SORCS1: variants seen among roughly 807,000 people sequenced by gnomAD.
SORCS1 encodes VPS10 domain-containing receptor SorCS1.
A neutral mutation model predicts 146.1 loss-of-function variants in SORCS1; 60 were observed. The observed-to-expected ratio is 0.41, with a 90% CI of 0.33 to 0.51. The LOEUF is 0.51. Among genes scored for constraint, SORCS1 ranks in the 20% least tolerant of loss-of-function variants. The pLI, the probability that SORCS1 is intolerant of heterozygous loss-of-function variation, is 0.21. For missense variants in SORCS1, 1,352 were observed against 1,487.6 expected, an observed-to-expected ratio of 0.91 and a Z score of 1.50; for synonymous variants, 637 against 584.0, an observed-to-expected ratio of 1.09 and a Z score of -1.31.
At chr10:107,057,793 T>C (rs932254161) in intron 1 of SORCS1, among the ~76,000 whole-genome samples, 4 of 152,210 alleles carry the variant, frequency 2.6e-5, no homozygotes, top group African/African-American at 4.8e-5. Context: ...AGTGGAAATA[T>C]GTCCACGGAC....
intron 1 of SORCS1, among the ~76,000 whole-genome samples, chr10:107,018,619 A>AT (rs1008196094): frequency 2.0e-5 from 3 of 151,822 alleles, no homozygotes; most frequent in East Asian, 3.9e-4. Flanking sequence ...TTGTTAATCA[A>AT]TTTTTTTGTT....
chr10:106,876,659 C>A (rs889330242), intron 2 of SORCS1, among the ~76,000 whole-genome samples: 4 of 152,152 alleles, frequency 2.6e-5, no homozygotes, highest in African/African-American at 9.7e-5. Flanking sequence ...GCATCAGAGT[C>A]CATGAGCCTA....
At chr10:107,042,444 T>C (rs1025531302) in intron 1 of SORCS1, among the ~76,000 whole-genome samples, 1 of 152,184 alleles carries the variant, frequency 6.6e-6, no homozygotes, top group African/African-American at 2.4e-5. Context: ...TTCTCTCTTA[T>C]GCTAACTTGG....
intron 17 of SORCS1, among the ~76,000 whole-genome samples, chr10:106,664,409 G>A (rs151087600): frequency 0.028 from 4,273 of 152,246 alleles, 178 homozygotes; most frequent in African/African-American, 0.097. Context: ...TTGGGAGGCT[G>A]AGGCAGGTGG....
chr10:106,674,291 T>C (rs938846540), intron 14 of SORCS1, among the ~76,000 whole-genome samples: 17 of 121,400 alleles, frequency 1.4e-4, no homozygotes, highest in Middle Eastern at 5.1e-3. Context: ...ATCATGCCAC[T>C]GCACTCCAGC....
intron 18 of SORCS1, among the ~76,000 whole-genome samples, chr10:106,641,669 A>G (rs1355792811): frequency 6.6e-6 from 1 of 152,216 alleles, no homozygotes; most frequent in Non-Finnish European, 1.5e-5. Flanking sequence ...TATGTTAGGC[A>G]CATTGTACAG....
chr10:106,767,059 A>T (rs2136294363), intron 4 of SORCS1, among the ~76,000 whole-genome samples: 1 of 152,262 alleles, frequency 6.6e-6, no homozygotes, highest in African/African-American at 2.4e-5. Flanking sequence ...CTACAAAGAG[A>T]GCCTGGAACC....
intron 4 of SORCS1, among the ~76,000 whole-genome samples, chr10:106,770,641 T>C (rs773695758): frequency 5.9e-5 from 9 of 152,186 alleles, no homozygotes; most frequent in Non-Finnish European, 8.8e-5. Flanking sequence ...TCTGAGGTCA[T>C]TGTTACACAC....
At chr10:106,953,483 T>G (rs754699751) in intron 2 of SORCS1, among the ~76,000 whole-genome samples, 5 of 151,910 alleles carry the variant, frequency 3.3e-5, no homozygotes, top group African/African-American at 1.2e-4. Flanking sequence ...ATGGGTTGAA[T>G]TAACAGATCT....
intron 18 of SORCS1, among the ~76,000 whole-genome samples, chr10:106,642,690 C>A (rs896015880): frequency 6.6e-6 from 1 of 152,160 alleles, no homozygotes; most frequent in Non-Finnish European, 1.5e-5. Context: ...TCCTTGGGTG[C>A]TGCATTCATA....
intron 2 of SORCS1, among the ~76,000 whole-genome samples, chr10:106,840,288 A>G (rs188240723): frequency 1.3e-5 from 2 of 152,314 alleles, no homozygotes; most frequent in East Asian, 3.9e-4. Context: ...AGGAAGTTGG[A>G]AGAACTTAAT....
At position 106,577,213 on chromosome 10, in the gene SORCS1, TC is replaced by T. The variant is rs1319862188; in HGVS notation, c.*206del. The T allele has an allele frequency of 1.3e-6, 2 of 1,568,042 alleles. No homozygotes were observed. The highest frequency in any genetic ancestry group is 1.7e-6 in the Non-Finnish European group (2 of 1,154,334). ...TTTTGTTTTTGTTTTTTTACTGGCG[TC>T]CTCCATTCAAACATTTACATAGGTA... is the stretch of plus-strand genomic sequence containing the variant. On this transcript the variant is annotated 3_prime_UTR_variant, in exon 26 of 26. Coordinates refer to ENST00000263054, the MANE Select transcript of SORCS1 (RefSeq NM_052918.5).
chr10:106,738,017 TCTAA>T (rs141910225), intron 5 of SORCS1, among the ~76,000 whole-genome samples: 4,585 of 152,302 alleles, frequency 0.03, 106 homozygotes, highest in Non-Finnish European at 0.05. Flanking sequence ...GAGATAAATC[TCTAA>T]CTATTTTATT....
intron 1 of SORCS1, among the ~76,000 whole-genome samples, chr10:107,087,101 G>A (rs34168577): frequency 0.015 from 2,307 of 152,270 alleles, 44 homozygotes; most frequent in Non-Finnish European, 0.02. Flanking sequence ...TTCAATTTTA[G>A]ATTTTATTTT....
At chr10:106,749,170 C>T (rs926085084) in intron 5 of SORCS1, among the ~76,000 whole-genome samples, 5 of 152,148 alleles carry the variant, frequency 3.3e-5, no homozygotes, top group African/African-American at 1.2e-4. Context: ...TATTACAATT[C>T]ACCAATAGGA....
chr10:106,717,874 A>G (rs1855491374), intron 6 of SORCS1, among the ~76,000 whole-genome samples: 2 of 152,224 alleles, frequency 1.3e-5, no homozygotes. Flanking sequence ...ACCTCTGCAC[A>G]GATGTTTTAC....
intron 3 of SORCS1, among the ~76,000 whole-genome samples, chr10:106,821,829 GGAGAATGGCGT>G: frequency 6.6e-6 from 1 of 152,106 alleles, no homozygotes; most frequent in African/African-American, 2.4e-5. Flanking sequence ...GTCTCAGGCA[GGAGAATGGCGT>G]GACCCTGGGA....
At chr10:106,968,385 A>G (rs1177798588) in intron 1 of SORCS1, among the ~76,000 whole-genome samples, 3 of 152,236 alleles carry the variant, frequency 2.0e-5, no homozygotes, top group Admixed American at 6.5e-5. Flanking sequence ...AATTATAGAC[A>G]CTATCTAAAT....
chr10:106,745,525 A>G (rs1288218981), intron 5 of SORCS1, among the ~76,000 whole-genome samples: 3 of 152,224 alleles, frequency 2.0e-5, no homozygotes, highest in African/African-American at 7.2e-5. Flanking sequence ...TGTAGGCAAG[A>G]TTGGCTATGA....
Sources: allele counts gnomAD v4.1 joint callset (sites outside exome capture counted in the v4.1 genomes callset), GRCh38; gene constraint gnomAD v4.1.1; transcripts MANE v1.5; gene names NCBI Gene and HGNC (gene_info 2026-07-23, HGNC 2026-07-21).